The following KCNIP1 variants were observed in gnomAD, a reference collection of about 807,000 sequenced individuals.
KCNIP1 encodes the protein potassium voltage-gated channel interacting protein 1, also known as A-type potassium channel modulatory protein KCNIP1.
In KCNIP1, 18 loss-of-function variants were observed where a neutral mutation model predicts 33.0. The ratio of observed to expected loss-of-function variants is 0.55; its 90% confidence interval spans 0.38 to 0.81. The LOEUF (loss-of-function observed/expected upper bound fraction) is 0.81, where lower values mean the gene tolerates loss of function less well. Among genes scored for constraint, KCNIP1 ranks in the 30% least tolerant of loss-of-function variants. The pLI is 0.00. For missense variants in KCNIP1, 238 were observed against 271.6 expected (o/e 0.88, Z 0.87); for synonymous variants, 93 against 98.3 (o/e 0.95, Z 0.32).
intron 1 of KCNIP1, among the ~76,000 whole-genome samples, chr5:170,590,555 G>A (rs1758209903): frequency 6.6e-6 from 1 of 152,146 alleles, no homozygotes; most frequent in African/African-American, 2.4e-5. Context: ...AGGTCAGAGG[G>A]TGATGGGAGG....
At chr5:170,597,896 C>G (rs954837048) in intron 1 of KCNIP1, among the ~76,000 whole-genome samples, 1 of 147,618 alleles carries the variant, frequency 6.8e-6, no homozygotes, top group African/African-American at 2.5e-5. Flanking sequence ...CAAGTGGAAA[C>G]AAGACAAAAT....
intron 1 of KCNIP1, among the ~76,000 whole-genome samples, chr5:170,566,214 T>A (rs566614568): frequency 6.6e-6 from 1 of 151,878 alleles, no homozygotes; most frequent in South Asian, 2.1e-4. Flanking sequence ...GCACCTGCCA[T>A]CATGCATGAC....
chr5:170,693,857 G>T (rs1287874883), intron 1 of KCNIP1, among the ~76,000 whole-genome samples: 1 of 152,218 alleles, frequency 6.6e-6, no homozygotes, highest in African/African-American at 2.4e-5. Flanking sequence ...GCCTAGAGGA[G>T]GACAGCAGCA....
intron 1 of KCNIP1, among the ~76,000 whole-genome samples, chr5:170,428,947 A>G (rs1459079414): frequency 6.6e-6 from 1 of 151,958 alleles, no homozygotes; most frequent in East Asian, 1.9e-4. Flanking sequence ...CTGCTTCTGG[A>G]TACCACCCTT....
chr5:170,427,846 T>G (rs1364323755), intron 1 of KCNIP1, among the ~76,000 whole-genome samples: 1 of 152,212 alleles, frequency 6.6e-6, no homozygotes, highest in Non-Finnish European at 1.5e-5. Flanking sequence ...TCCTGCAGCA[T>G]CTGAGTCCAA....
At chr5:170,482,037 T>C (rs1408892240) in intron 1 of KCNIP1, among the ~76,000 whole-genome samples, 5 of 152,246 alleles carry the variant, frequency 3.3e-5, no homozygotes, top group African/African-American at 1.2e-4. Flanking sequence ...CTGATAAGAT[T>C]AACAGAATGT....
At chr5:170,454,268 T>C (rs971123172) in intron 1 of KCNIP1, among the ~76,000 whole-genome samples, 3 of 152,338 alleles carry the variant, frequency 2.0e-5, no homozygotes, top group Non-Finnish European at 2.9e-5. Context: ...GTTTTCATGG[T>C]TGACTCGAAG....
chr5:170,526,881 C>G (rs2113329839), intron 1 of KCNIP1, among the ~76,000 whole-genome samples: 1 of 152,226 alleles, frequency 6.6e-6, no homozygotes, highest in East Asian at 1.9e-4. Context: ...TGCCACCACA[C>G]CCGGCTAATT....
At chr5:170,569,831 T>C (rs1757334261) in intron 1 of KCNIP1, among the ~76,000 whole-genome samples, 2 of 152,024 alleles carry the variant, frequency 1.3e-5, no homozygotes, top group African/African-American at 4.8e-5. Context: ...ATGATTTCCA[T>C]CCAGACAAAG....
At chr5:170,725,762 G>A (rs2113882979) in intron 5 of KCNIP1, among the ~76,000 whole-genome samples, 1 of 152,110 alleles carries the variant, frequency 6.6e-6, no homozygotes, top group South Asian at 2.1e-4. Flanking sequence ...ATCAAAACTT[G>A]TCATGTACCC....
At chr5:170,416,254 G>A (rs1755326748) in intron 1 of KCNIP1, among the ~76,000 whole-genome samples, 2 of 152,074 alleles carry the variant, frequency 1.3e-5, no homozygotes, top group Admixed American at 6.6e-5. Flanking sequence ...ATCTCAGGGT[G>A]GGAGAGAGTC....
chr5:170,385,363 T>G, intron 1 of KCNIP1: 1 of 1,614,122 alleles, frequency 6.2e-7, no homozygotes. Context: ...TAGTAGGTGA[T>G]GACGGCACAC....
chr5:170,367,192 G>A (rs1361155976), intron 1 of KCNIP1, among the ~76,000 whole-genome samples: 1 of 151,996 alleles, frequency 6.6e-6, no homozygotes, highest in South Asian at 2.1e-4. Context: ...GCACATGCCT[G>A]TAATCCCAGC....
intron 1 of KCNIP1, among the ~76,000 whole-genome samples, chr5:170,581,196 T>C (rs1293758268): frequency 6.6e-6 from 1 of 152,150 alleles, no homozygotes; most frequent in Admixed American, 6.5e-5. Flanking sequence ...CACAAGTTAT[T>C]GGAGCCAGAT....
intron 1 of KCNIP1, among the ~76,000 whole-genome samples, chr5:170,586,089 G>T (rs1442445434): frequency 6.6e-6 from 1 of 152,228 alleles, no homozygotes; most frequent in Non-Finnish European, 1.5e-5. Flanking sequence ...TCTGTAAAAT[G>T]GGGATAATTA....
chr5:170,387,112 A>G (rs894800851), intron 1 of KCNIP1, among the ~76,000 whole-genome samples: 1 of 152,130 alleles, frequency 6.6e-6, no homozygotes, highest in African/African-American at 2.4e-5. Context: ...TTATTTGTTT[A>G]AAGTAACCAG....
chr5:170,490,897 G>A (rs971355691), intron 1 of KCNIP1, among the ~76,000 whole-genome samples: 9 of 152,036 alleles, frequency 5.9e-5, no homozygotes, highest in East Asian at 3.9e-4. Context: ...AAGTTCTCTC[G>A]CCCCAAATCC....
intron 1 of KCNIP1, among the ~76,000 whole-genome samples, chr5:170,697,404 A>G (rs1431804923): frequency 2.0e-5 from 3 of 152,216 alleles, no homozygotes; most frequent in Non-Finnish European, 4.4e-5. Flanking sequence ...CCTTGCACAT[A>G]TTAGATACTT....
chr5:170,361,221 A>G (rs1763504477), intron 1 of KCNIP1, among the ~76,000 whole-genome samples: 1 of 152,188 alleles, frequency 6.6e-6, no homozygotes, highest in South Asian at 2.1e-4. Context: ...CCCCACTGAA[A>G]GGCAGGCAGC....
Sources: gnomAD v4.1 joint callset for allele counts (sites outside exome capture counted in the v4.1 genomes callset) on GRCh38, gnomAD v4.1.1 for gene constraint, MANE v1.5 for transcripts, NCBI Gene and HGNC (gene_info 2026-07-23, HGNC 2026-07-21) for gene names.